The following FBXL17 variants were observed in gnomAD, a reference collection of about 807,000 sequenced individuals.
FBXL17 encodes F-box/LRR-repeat protein 17.
In FBXL17, 22 loss-of-function variants were observed where a neutral mutation model predicts 66.2. That is an observed-to-expected ratio of 0.33 (90% confidence interval 0.24 to 0.47). The LOEUF (loss-of-function observed/expected upper bound fraction) is 0.47, where lower values mean the gene tolerates loss of function less well. Ranked by LOEUF, FBXL17 falls within the 20% of genes least tolerant of loss-of-function variation. FBXL17 has a pLI of 1.00. For synonymous variants in FBXL17, 474 were observed against 400.5 expected, an observed-to-expected ratio of 1.18 and a Z score of -2.19; for missense variants, 878 against 948.2, an observed-to-expected ratio of 0.93 and a Z score of 0.97.
chr5:108,005,643 C>T (rs1453448720), intron 7 of FBXL17, among the ~76,000 whole-genome samples: 1 of 152,168 alleles, frequency 6.6e-6, no homozygotes, highest in African/African-American at 2.4e-5. Context: ...TTATAAGCAA[C>T]TATTATTGCT....
chr5:108,048,316 C>T (rs1747335891), intron 6 of FBXL17, among the ~76,000 whole-genome samples: 1 of 152,176 alleles, frequency 6.6e-6, no homozygotes, highest in Admixed American at 6.5e-5. Flanking sequence ...TCAGCAGTCT[C>T]AAAGACTGAA....
At chr5:108,125,870 C>G (rs1269877797) in intron 6 of FBXL17, among the ~76,000 whole-genome samples, 2 of 152,182 alleles carry the variant, frequency 1.3e-5, no homozygotes, top group East Asian at 3.9e-4. Flanking sequence ...ACCAGAAAAT[C>G]TATTTTTAGT....
chr5:107,896,325 T>TA (rs1016187692), intron 7 of FBXL17, among the ~76,000 whole-genome samples: 8 of 150,940 alleles, frequency 5.3e-5, no homozygotes, highest in Non-Finnish European at 3.0e-5. Flanking sequence ...CAAAGGAGAT[T>TA]AAAAAAAAAG....
intron 8 of FBXL17, chr5:107,878,765 T>C: frequency 1.0e-6 from 1 of 985,466 alleles, no homozygotes; most frequent in Non-Finnish European, 1.2e-6. Context: ...TTGTGTGTGG[T>C]TTGGAACTGT....
At chr5:108,274,184 A>G (rs1378352034) in intron 4 of FBXL17, among the ~76,000 whole-genome samples, 1 of 152,222 alleles carries the variant, frequency 6.6e-6, no homozygotes, top group Admixed American at 6.5e-5. Context: ...ACCAAAATTT[A>G]TTAGGTGTGA....
chr5:108,152,692 C>T (rs1045602673), intron 6 of FBXL17, among the ~76,000 whole-genome samples: 27 of 152,062 alleles, frequency 1.8e-4, no homozygotes, highest in African/African-American at 6.5e-4. Flanking sequence ...AAAAAATATC[C>T]TGGAATTCAG....
At chr5:108,364,010 C>T (rs1370830923) in intron 3 of FBXL17, among the ~76,000 whole-genome samples, 1 of 151,920 alleles carries the variant, frequency 6.6e-6, no homozygotes, top group African/African-American at 2.4e-5. Context: ...GCACAATATG[C>T]CTTTGCAAAC....
rs1748163214 is a variant in FBXL17 at position 107,862,799 on chromosome 5, GA to G, written c.1966-940del. On this transcript the variant is annotated intron_variant, in intron 8 of 8. Coordinates refer to ENST00000542267, the MANE Select transcript of FBXL17 (RefSeq NM_001163315.3). ...TATTGGAAAAGATCAGGACCACTAG[GA>G]AAAACCTGAAACAACATCAAACCCT... is the stretch of plus-strand genomic sequence containing the variant. Among the ~76,000 whole-genome samples the G allele has an allele frequency of 5.6e-5, 8 of 141,806 alleles. No homozygotes were observed. In the Admixed American group the frequency reaches 5.8e-4, roughly 10 times the overall value. 93.0% of individuals were successfully genotyped at this position (141,806 alleles called of 152,430 possible).
At chr5:108,105,518 A>C (rs1229744513) in intron 6 of FBXL17, among the ~76,000 whole-genome samples, 7 of 152,258 alleles carry the variant, frequency 4.6e-5, no homozygotes, top group Admixed American at 4.6e-4. Context: ...TAAAGGAGAA[A>C]ACACAGCTTT....
chr5:107,978,363 T>C (rs1473119145), intron 7 of FBXL17, among the ~76,000 whole-genome samples: 1 of 152,186 alleles, frequency 6.6e-6, no homozygotes, highest in Non-Finnish European at 1.5e-5. Flanking sequence ...AAACTGCCTT[T>C]GTAAAACTAA....
chr5:108,051,301 A>T (rs894028273), intron 6 of FBXL17, among the ~76,000 whole-genome samples: 1 of 152,168 alleles, frequency 6.6e-6, no homozygotes, highest in Non-Finnish European at 1.5e-5. Context: ...AAAACTTCAC[A>T]CCCATATCCC....
chr5:108,052,633 T>A (rs1747529358), intron 6 of FBXL17, among the ~76,000 whole-genome samples: 1 of 152,200 alleles, frequency 6.6e-6, no homozygotes, highest in African/African-American at 2.4e-5. Context: ...CAAAGTAATT[T>A]ATAGATTCAA....
chr5:108,207,808 A>C (rs1044658586), intron 5 of FBXL17, among the ~76,000 whole-genome samples: 1 of 152,128 alleles, frequency 6.6e-6, no homozygotes, highest in Non-Finnish European at 1.5e-5. Context: ...TTTATAGTAG[A>C]ATGATTTATA....
intron 6 of FBXL17, among the ~76,000 whole-genome samples, chr5:108,067,189 C>T (rs889754416): frequency 6.6e-6 from 1 of 151,958 alleles, no homozygotes; most frequent in East Asian, 1.9e-4. Context: ...AACTTGTTAT[C>T]GTAACAATAT....
At chr5:107,886,558 A>G (rs1209134694) in intron 7 of FBXL17, among the ~76,000 whole-genome samples, 2 of 152,094 alleles carry the variant, frequency 1.3e-5, no homozygotes, top group Non-Finnish European at 2.9e-5. Context: ...TGGAACATCT[A>G]GTGGTATCAG....
At chr5:108,076,207 G>C (rs1022106484) in intron 6 of FBXL17, among the ~76,000 whole-genome samples, 7 of 152,256 alleles carry the variant, frequency 4.6e-5, no homozygotes, top group African/African-American at 1.7e-4. Context: ...TTGGATGTGA[G>C]CTTTTCAACT....
intron 6 of FBXL17, among the ~76,000 whole-genome samples, chr5:108,042,926 C>T (rs1460788376): frequency 6.6e-6 from 1 of 152,118 alleles, no homozygotes; most frequent in African/African-American, 2.4e-5. Context: ...TTTTACCATT[C>T]TGATTGTAGT....
intron 5 of FBXL17, among the ~76,000 whole-genome samples, chr5:108,201,952 TC>T (rs750583209): frequency 1.3e-5 from 2 of 151,718 alleles, no homozygotes; most frequent in African/African-American, 2.4e-5. Flanking sequence ...AGAGTTGATA[TC>T]CTTTTTACAA....
At chr5:108,180,020 T>G (rs1017749474) in intron 6 of FBXL17, among the ~76,000 whole-genome samples, 1 of 152,102 alleles carries the variant, frequency 6.6e-6, no homozygotes, top group African/African-American at 2.4e-5. Context: ...GCGGGCCTAG[T>G]ATTCTTGGGT....
Sources: gnomAD v4.1 joint callset for allele counts (sites outside exome capture counted in the v4.1 genomes callset) on GRCh38, gnomAD v4.1.1 for gene constraint, MANE v1.5 for transcripts, NCBI Gene and HGNC (gene_info 2026-07-23, HGNC 2026-07-21) for gene names.